Variants in HCRTR2 observed in about 807,000 individuals in gnomAD.
HCRTR2 encodes orexin receptor type 2.
Under a neutral mutation model 49.0 loss-of-function variants are expected in HCRTR2, and 22 were observed. The ratio of observed to expected loss-of-function variants is 0.45; its 90% CI spans 0.32 to 0.64. The LOEUF (loss-of-function observed/expected upper bound fraction) is 0.64. HCRTR2 is among the 30% of genes least tolerant of loss of function. The probability of loss-of-function intolerance (pLI) is 0.04; values close to 1 mark genes in which losing one functional copy is unlikely to be tolerated. For synonymous variants in HCRTR2, 236 were observed against 205.3 expected (o/e 1.15, Z -1.28); for missense variants, 491 against 559.4 (o/e 0.88, Z 1.23).
intron 1 of HCRTR2, among the ~76,000 whole-genome samples, chr6:55,213,560 T>C (rs554299077): frequency 2.0e-5 from 3 of 152,106 alleles, no homozygotes; most frequent in African/African-American, 4.8e-5. Flanking sequence ...GTATCTCAGA[T>C]GAGTGCAAAG....
chr6:55,196,166 C>T (rs1207738178), intron 1 of HCRTR2, among the ~76,000 whole-genome samples: 6 of 152,148 alleles, frequency 3.9e-5, no homozygotes, highest in Non-Finnish European at 5.9e-5. Flanking sequence ...CACATTCCCC[C>T]TTCTTCTAAC....
At chr6:55,226,711 G>GTTTTTTTTTTTTTTT (rs777871106) in intron 1 of HCRTR2, among the ~76,000 whole-genome samples, 2 of 74,290 alleles carry the variant, frequency 2.7e-5, no homozygotes, top group African/African-American at 5.9e-5. Flanking sequence ...AATTCCAGGT[G>GTTTTTTTTTTTTTTT]TTTTTTTTTT....
chr6:55,149,333 A>G (rs1764634147), intron 1 of HCRTR2, among the ~76,000 whole-genome samples: 1 of 152,138 alleles, frequency 6.6e-6, no homozygotes, highest in Admixed American at 6.6e-5. Context: ...GTCACCCAAC[A>G]GGGTTTAATA....
At chr6:55,152,282 C>G (rs1003683419) in intron 1 of HCRTR2, among the ~76,000 whole-genome samples, 5 of 151,772 alleles carry the variant, frequency 3.3e-5, no homozygotes, top group African/African-American at 1.2e-4. Context: ...ACACATGTGA[C>G]GTAAAATTTC....
At chr6:55,193,126 A>T (rs1765349462) in intron 1 of HCRTR2, among the ~76,000 whole-genome samples, 1 of 152,234 alleles carries the variant, frequency 6.6e-6, no homozygotes, top group African/African-American at 2.4e-5. Context: ...TCAAACAAAT[A>T]TTGAAAGTCT....
chr6:55,191,627 A>G (rs879584615), intron 1 of HCRTR2, among the ~76,000 whole-genome samples: 3 of 152,172 alleles, frequency 2.0e-5, no homozygotes, highest in South Asian at 2.1e-4. Context: ...CACAAAATAA[A>G]CACCAGAATT....
intron 1 of HCRTR2, among the ~76,000 whole-genome samples, chr6:55,167,709 C>T (rs546661474): frequency 6.6e-6 from 1 of 152,102 alleles, no homozygotes; most frequent in Admixed American, 6.6e-5. Flanking sequence ...GAGCACCCGA[C>T]GATAATGGAT....
At chr6:55,237,865 T>C (rs1363793113) in intron 1 of HCRTR2, among the ~76,000 whole-genome samples, 1 of 152,198 alleles carries the variant, frequency 6.6e-6, no homozygotes, top group Non-Finnish European at 1.5e-5. Context: ...TGGCACTTTC[T>C]GGATATTCTC....
At chr6:55,234,700 G>A in intron 1 of HCRTR2, among the ~76,000 whole-genome samples, 1 of 151,998 alleles carries the variant, frequency 6.6e-6, no homozygotes, top group Non-Finnish European at 1.5e-5. Flanking sequence ...ACGAAATGTT[G>A]GCAAAAATGC....
chr6:55,195,319 A>G (rs1765390052), intron 1 of HCRTR2, among the ~76,000 whole-genome samples: 1 of 152,198 alleles, frequency 6.6e-6, no homozygotes, highest in Non-Finnish European at 1.5e-5. Context: ...TTTAAAATGT[A>G]TTTAGATAAA....
intron 3 of HCRTR2, among the ~76,000 whole-genome samples, chr6:55,259,871 T>G (rs1181381055): frequency 1.3e-5 from 2 of 152,128 alleles, no homozygotes; most frequent in Non-Finnish European, 2.9e-5. Context: ...TCAAAGATAT[T>G]TTCATCACAC....
At chr6:55,106,925 G>A (rs12209956) in intron 1 of HCRTR2, among the ~76,000 whole-genome samples, 8,218 of 152,038 alleles carry the variant, frequency 0.054, 326 homozygotes, top group African/African-American at 0.1. Flanking sequence ...GATACTTAAC[G>A]TTTTCAATCT....
chr6:55,208,921 A>G (rs1460825635), intron 1 of HCRTR2, among the ~76,000 whole-genome samples: 1 of 152,256 alleles, frequency 6.6e-6, no homozygotes, highest in African/African-American at 2.4e-5. Flanking sequence ...AAATGTGGAT[A>G]CTGGTACTGA....
At chr6:55,199,028 T>C (rs1471355554) in intron 1 of HCRTR2, among the ~76,000 whole-genome samples, 1 of 152,214 alleles carries the variant, frequency 6.6e-6, no homozygotes, top group Non-Finnish European at 1.5e-5. Context: ...TCAAACCTAG[T>C]TAGTTTTGCT....
chr6:55,238,570 A>T lies in HCRTR2; in HGVS notation c.224-10069A>T, dbSNP rs752104956. Among the ~76,000 whole-genome samples, 56 of 152,288 alleles carry T rather than the reference A, an allele frequency of 3.7e-4. 1 individual carries two copies. The highest frequency in any genetic ancestry group is 3.4e-3 in the Middle Eastern group (1 of 294). ...TGAATACACACACACAGAAACACAC[A>T]CACACGCTCACACACATTTTATGAT... is the stretch of plus-strand genomic sequence containing the variant. On this transcript the variant is annotated intron_variant, in intron 1 of 6. Coordinates refer to ENST00000370862, the MANE Select transcript of HCRTR2 (RefSeq NM_001384272.1).
intron 1 of HCRTR2, among the ~76,000 whole-genome samples, chr6:55,145,153 CAT>C (rs1764561729): frequency 6.6e-6 from 1 of 152,134 alleles, no homozygotes; most frequent in Admixed American, 6.6e-5. Flanking sequence ...TTGTTTTACT[CAT>C]TTACCTTGTC....
chr6:55,231,277 T>A (rs1019109072), intron 1 of HCRTR2, among the ~76,000 whole-genome samples: 1 of 152,010 alleles, frequency 6.6e-6, no homozygotes, highest in South Asian at 2.1e-4. Flanking sequence ...CCAGAAAAAA[T>A]TTCAATATCC....
rs370891558 is a variant in HCRTR2 at position 55,216,309 on chromosome 6, CA to C, written c.224-32327del. Among the ~76,000 whole-genome samples, 36 of 152,248 alleles carry C rather than the reference CA, an allele frequency of 2.4e-4. No individual in the cohort carries two copies. In the East Asian group the frequency reaches 6.8e-3, roughly 29 times the overall value. On this transcript the variant is annotated intron_variant, in intron 1 of 6. Coordinates refer to ENST00000370862, the MANE Select transcript of HCRTR2 (RefSeq NM_001384272.1). ...CCATAATTTATGTCCTTATCATATG[CA>C]AATACCTTCATTCCATTCCCGTAGC...
rs575967151 is a variant in HCRTR2, at chr6:55,125,901, C to T, written c.-378+19356C>T. Among the ~76,000 whole-genome samples, 6 of 152,044 alleles carry T rather than the reference C, an allele frequency of 3.9e-5. No homozygotes were observed. The South Asian group carries it at 6.2e-4, about 16-fold the overall frequency. On this transcript the variant is annotated intron_variant, in intron 1 of 7. Coordinates refer to the HCRTR2 transcript ENST00000615358. ...AATGGTACCCTTTCTTCCACTTGATCGATTCAGCGATTGATACCTGTGTAT... is the reference window on the plus strand; with the variant it reads ...AATGGTACCCTTTCTTCCACTTGATTGATTCAGCGATTGATACCTGTGTAT...
Sources: gnomAD v4.1 joint callset for allele counts (sites outside exome capture counted in the v4.1 genomes callset) on GRCh38, gnomAD v4.1.1 for gene constraint, MANE v1.5 for transcripts, NCBI Gene and HGNC (gene_info 2026-07-23, HGNC 2026-07-21) for gene names.